DTNB: variants seen among roughly 807,000 people sequenced by gnomAD.
DTNB encodes the protein DTN-B.
DTNB carries 63 observed loss-of-function variants against 90.7 expected under a neutral mutation model. That is an observed-to-expected ratio of 0.69 (90% CI 0.57 to 0.86). The LOEUF (loss-of-function observed/expected upper bound fraction) is 0.86, where lower values mean the gene tolerates loss of function less well. Among genes scored for constraint, DTNB ranks in the 40% least tolerant of loss-of-function variants. DTNB has a pLI of 0.00. For missense variants in DTNB, 744 were observed against 807.1 expected, an observed-to-expected ratio of 0.92 and a Z score of 0.95; for synonymous variants, 277 against 286.7, an observed-to-expected ratio of 0.97 and a Z score of 0.34.
chr2:25,412,654 A>T (rs2046897419), intron 16 of DTNB, among the ~76,000 whole-genome samples: 2 of 152,222 alleles, frequency 1.3e-5, no homozygotes, highest in South Asian at 4.1e-4. Flanking sequence ...CTAATAGGAG[A>T]GATCAGATAA....
intron 8 of DTNB, chr2:25,558,408 C>G (rs1290880794): frequency 1.0e-6 from 1 of 985,282 alleles, no homozygotes; most frequent in Non-Finnish European, 1.2e-6. Context: ...TGGTGGCCAT[C>G]TGCAAGAACA....
chr2:25,430,912 G>C (rs1298615438), intron 14 of DTNB, among the ~76,000 whole-genome samples: 1 of 152,124 alleles, frequency 6.6e-6, no homozygotes, highest in Non-Finnish European at 1.5e-5. Flanking sequence ...AATAAAGGAA[G>C]AAAAGGCATC....
chr2:25,649,054 G>A (rs978087521), intron 2 of DTNB, among the ~76,000 whole-genome samples: 1 of 140,596 alleles, frequency 7.1e-6, no homozygotes, highest in African/African-American at 2.7e-5. Flanking sequence ...GCCCAGGCTG[G>A]AGTGCAGTGG....
At chr2:25,535,240 G>A (rs545158824) in intron 8 of DTNB, among the ~76,000 whole-genome samples, 85 of 146,730 alleles carry the variant, frequency 5.8e-4, no homozygotes, top group African/African-American at 2.0e-3. Context: ...GCCAGGCAGA[G>A]ACGCTCCTCA....
At chr2:25,567,500 A>G (rs975027305) in intron 8 of DTNB, among the ~76,000 whole-genome samples, 4 of 152,258 alleles carry the variant, frequency 2.6e-5, no homozygotes, top group Admixed American at 6.5e-5. Flanking sequence ...AAGTAAAGCA[A>G]TATTTATTTA....
chr2:25,451,431 G>C, intron 12 of DTNB, 117 bp downstream of exon 12: 1 of 1,095,940 alleles, frequency 9.1e-7, no homozygotes, highest in Non-Finnish European at 1.3e-6. Flanking sequence ...GTGGAAAAGT[G>C]GAAAGTGTCC....
chr2:25,576,701 T>C (rs984523934), intron 8 of DTNB, 137 bp downstream of exon 8: 1 of 1,114,018 alleles, frequency 9.0e-7, no homozygotes, highest in African/African-American at 1.6e-5. Flanking sequence ...TTTGCAATCC[T>C]GGCATAAATG....
intron 6 of DTNB, among the ~76,000 whole-genome samples, chr2:25,592,060 C>CAAAAAA (rs1162292627): frequency 4.1e-5 from 2 of 48,996 alleles, no homozygotes; most frequent in East Asian, 6.9e-4. Flanking sequence ...GACTCCATCT[C>CAAAAAA]AAAAAAAAAA....
intron 8 of DTNB, among the ~76,000 whole-genome samples, chr2:25,544,414 C>T (rs1416599064): frequency 6.6e-6 from 1 of 152,224 alleles, no homozygotes; most frequent in African/African-American, 2.4e-5. Context: ...TATACGCTGA[C>T]AGGCCCTGAC....
At chr2:25,510,015 T>C (rs1273926031) in intron 9 of DTNB, among the ~76,000 whole-genome samples, 1 of 152,080 alleles carries the variant, frequency 6.6e-6, no homozygotes, top group East Asian at 1.9e-4. Flanking sequence ...CCTCTCAAAG[T>C]GCTGGGATTA....
intron 1 of DTNB, among the ~76,000 whole-genome samples, chr2:25,662,917 T>C (rs2149023541): frequency 6.6e-6 from 1 of 152,298 alleles, no homozygotes; most frequent in South Asian, 2.1e-4. Flanking sequence ...AATTTTACTT[T>C]AAGTTCTGCG....
chr2:25,600,899 G>A (rs1031166015), intron 5 of DTNB, among the ~76,000 whole-genome samples: 1 of 152,060 alleles, frequency 6.6e-6, no homozygotes, highest in Non-Finnish European at 1.5e-5. Context: ...TTATTCATAA[G>A]AAACTATAAC....
intron 5 of DTNB, among the ~76,000 whole-genome samples, chr2:25,602,166 C>A (rs2066033705): frequency 6.6e-6 from 1 of 152,022 alleles, no homozygotes; most frequent in African/African-American, 2.4e-5. Flanking sequence ...TATTAATATG[C>A]CACATCATTA....
At chr2:25,502,568 C>G (rs1022053877) in intron 9 of DTNB, among the ~76,000 whole-genome samples, 8 of 151,646 alleles carry the variant, frequency 5.3e-5, no homozygotes, top group Non-Finnish European at 1.2e-4. Flanking sequence ...ATGGCGAAAC[C>G]CCATCTCTAA....
chr2:25,448,298 A>T (rs1329396662), intron 12 of DTNB, among the ~76,000 whole-genome samples: 4 of 152,248 alleles, frequency 2.6e-5, no homozygotes, highest in Non-Finnish European at 5.9e-5. Context: ...ACAGTACAGC[A>T]ACAAAAGAAG....
intron 10 of DTNB, among the ~76,000 whole-genome samples, chr2:25,462,263 G>A (rs1574777516): frequency 6.6e-6 from 1 of 152,098 alleles, no homozygotes; most frequent in East Asian, 1.9e-4. Context: ...AAGCCATCAG[G>A]AGGCACATCT....
intron 12 of DTNB, among the ~76,000 whole-genome samples, chr2:25,435,286 C>T (rs2055338622): frequency 6.6e-6 from 1 of 152,146 alleles, no homozygotes; most frequent in Non-Finnish European, 1.5e-5. Context: ...CTCCCAAAGT[C>T]CTGGGATTAC....
intron 8 of DTNB, among the ~76,000 whole-genome samples, chr2:25,572,189 C>T (rs1056007329): frequency 3.9e-5 from 6 of 152,164 alleles, no homozygotes; most frequent in Admixed American, 2.6e-4. Context: ...TGCACCAGGC[C>T]GGGCGCGGTG....
At chr2:25,667,496 A>C (rs2084748205) in intron 1 of DTNB, among the ~76,000 whole-genome samples, 1 of 151,158 alleles carries the variant, frequency 6.6e-6, no homozygotes. Context: ...CTCCATCTCA[A>C]AAAAAAAAGT....
Sources: gnomAD v4.1 joint callset for allele counts (sites outside exome capture counted in the v4.1 genomes callset) on GRCh38, gnomAD v4.1.1 for gene constraint, MANE v1.5 for transcripts, NCBI Gene and HGNC (gene_info 2026-07-23, HGNC 2026-07-21) for gene names.